DLGAP1: variants seen among roughly 807,000 people sequenced by gnomAD.
DLGAP1 encodes DLG associated protein 1.
DLGAP1 carries 11 observed loss-of-function variants against 90.8 expected under a neutral mutation model. That is an observed-to-expected ratio of 0.12 (90% CI 0.08 to 0.20). The LOEUF (loss-of-function observed/expected upper bound fraction) is 0.20, where lower values mean the gene tolerates loss of function less well. DLGAP1 is among the 10% of genes least tolerant of loss of function. The probability of loss-of-function intolerance (pLI) is 1.00; values close to 1 mark genes in which losing one functional copy is unlikely to be tolerated. For synonymous variants in DLGAP1, 558 were observed against 540.7 expected, an observed-to-expected ratio of 1.03 and a Z score of -0.44; for missense variants, 1,050 against 1,333.8, an observed-to-expected ratio of 0.79 and a Z score of 3.31.
chr18:4,194,922 T>A (rs996871635), intron 1 of DLGAP1, among the ~76,000 whole-genome samples: 1 of 152,218 alleles, frequency 6.6e-6, no homozygotes, highest in African/African-American at 2.4e-5. Context: ...CTATCATTTG[T>A]GTGTGCGTGG....
chr18:3,684,167 G>GT (rs57207823), intron 7 of DLGAP1, among the ~76,000 whole-genome samples: 1 of 116,146 alleles, frequency 8.6e-6, no homozygotes, highest in Non-Finnish European at 1.7e-5. Context: ...ATTGGGTAAG[G>GT]TTTTTTTTTT....
intron 7 of DLGAP1, among the ~76,000 whole-genome samples, chr18:3,614,137 C>T (rs764885519): frequency 6.6e-6 from 1 of 152,008 alleles, no homozygotes; most frequent in Non-Finnish European, 1.5e-5. Flanking sequence ...CCAGACTGGT[C>T]TCGAACTCCT....
chr18:4,108,459 G>A (rs2075909385), intron 2 of DLGAP1, among the ~76,000 whole-genome samples: 1 of 151,492 alleles, frequency 6.6e-6, no homozygotes, highest in Non-Finnish European at 1.5e-5. Flanking sequence ...TCTCTCTTTT[G>A]TTATAGGGGT....
At chr18:3,942,373 G>A (rs947790181) in intron 3 of DLGAP1, among the ~76,000 whole-genome samples, 1 of 152,218 alleles carries the variant, frequency 6.6e-6, no homozygotes, top group African/African-American at 2.4e-5. Context: ...GCAGGCGTCT[G>A]ACTGCACAGT....
At chr18:3,580,135 AGCT>A in intron 8 of DLGAP1, 1 of 1,118,972 alleles carries the variant, frequency 8.9e-7, no homozygotes, top group Admixed American at 1.7e-5. Context: ...CAAAAATAAT[AGCT>A]GCTAATAATG....
intron 7 of DLGAP1, among the ~76,000 whole-genome samples, chr18:3,609,126 G>C (rs929168386): frequency 6.7e-6 from 1 of 150,250 alleles, no homozygotes; most frequent in African/African-American, 2.4e-5. Context: ...GCTGCACCCA[G>C]CCTGATCTGT....
At chr18:3,686,389 T>C (rs1045757979) in intron 7 of DLGAP1, among the ~76,000 whole-genome samples, 10 of 152,130 alleles carry the variant, frequency 6.6e-5, no homozygotes, top group Non-Finnish European at 7.4e-5. Context: ...TTGAGAACTG[T>C]AGCAAAGCAC....
At chr18:3,923,200 A>G (rs556916083) in intron 3 of DLGAP1, among the ~76,000 whole-genome samples, 1 of 150,432 alleles carries the variant, frequency 6.6e-6, no homozygotes, top group African/African-American at 2.4e-5. Context: ...TGTTCATTGA[A>G]TAGTGTTCAT....
intron 7 of DLGAP1, among the ~76,000 whole-genome samples, chr18:3,648,972 C>A (rs1267599012): frequency 6.6e-6 from 1 of 152,172 alleles, no homozygotes; most frequent in Non-Finnish European, 1.5e-5. Flanking sequence ...GTGCTCAAGG[C>A]CGCTTATTCA....
In DLGAP1 at chr18:3,711,956, A is replaced by G. The variant is rs1020707374; in HGVS notation, c.1591+17179T>C. 1.3e-5 allele frequency among the ~76,000 whole-genome samples: 2 copies of G among 152,164 alleles called. No individual in the cohort carries two copies. The highest frequency in any genetic ancestry group is 4.8e-5 in the African/African-American group (2 of 41,440). On this transcript the variant is annotated intron_variant, in intron 7 of 12. Coordinates refer to ENST00000315677, the MANE Select transcript of DLGAP1 (RefSeq NM_004746.4). This position sits in a 1 kb window ranked among gnomAD's most constrained non-coding sequence, Gnocchi z 4.0. ...GCTGTGGGAAGGGAGGCATACAGAA[A>G]TGTATAAGGAGGCATGAGTCCTAAC...
At chr18:4,115,932 T>G (rs1826092819) in intron 2 of DLGAP1, among the ~76,000 whole-genome samples, 1 of 152,238 alleles carries the variant, frequency 6.6e-6, no homozygotes, top group African/African-American at 2.4e-5. Flanking sequence ...GAAAGGGGAA[T>G]GAATATTCAA....
chr18:4,262,642 A>T lies in DLGAP1; in HGVS notation c.-266-111355T>A, dbSNP rs1048193312. Among the ~76,000 whole-genome samples, 19 of 152,212 alleles carry T rather than the reference A, an allele frequency of 1.2e-4. 1 individual carries two copies. The highest frequency in any genetic ancestry group is 4.6e-4 in the African/African-American group (19 of 41,454). On this transcript the variant is annotated intron_variant, in intron 1 of 12. Transcript: ENST00000315677. ...TAGATTTTAAAATCCTCAGGGACACAGCAACATCCAGGTGCTACGTGGGCA... is the reference window on the plus strand; with the variant it reads ...TAGATTTTAAAATCCTCAGGGACACTGCAACATCCAGGTGCTACGTGGGCA...
chr18:4,333,650 C>T (rs1262250746), intron 1 of DLGAP1, among the ~76,000 whole-genome samples: 2 of 147,628 alleles, frequency 1.4e-5, no homozygotes, highest in African/African-American at 2.5e-5. Context: ...AACAGAGTCT[C>T]GCTCTGTCAC....
chr18:4,334,163 G>T (rs770736832), intron 1 of DLGAP1, among the ~76,000 whole-genome samples: 1 of 151,528 alleles, frequency 6.6e-6, no homozygotes, highest in African/African-American at 2.4e-5. Context: ...GCTTGAACCC[G>T]GGAGGCAGAG....
intron 3 of DLGAP1, among the ~76,000 whole-genome samples, chr18:3,965,389 C>T (rs2073301961): frequency 6.6e-6 from 1 of 152,108 alleles, no homozygotes; most frequent in Non-Finnish European, 1.5e-5. Context: ...TTAAGAACAA[C>T]ATAAAGACAA....
At chr18:4,185,159 T>C (rs550852523) in intron 1 of DLGAP1, among the ~76,000 whole-genome samples, 34 of 152,252 alleles carry the variant, frequency 2.2e-4, no homozygotes, top group Non-Finnish European at 4.3e-4. Context: ...ATGCTCCTTT[T>C]TTCTAATATT....
At chr18:4,014,558 T>C (rs2149101777) in intron 2 of DLGAP1, among the ~76,000 whole-genome samples, 1 of 152,276 alleles carries the variant, frequency 6.6e-6, no homozygotes, top group South Asian at 2.1e-4. Flanking sequence ...AACTGTAATG[T>C]CCCCAACACA....
At chr18:4,126,044 A>G (rs1048170005) in intron 2 of DLGAP1, among the ~76,000 whole-genome samples, 11 of 152,180 alleles carry the variant, frequency 7.2e-5, no homozygotes, top group African/African-American at 2.4e-4. Context: ...TGTGGCAGGA[A>G]TCAATCCCAG....
intron 2 of DLGAP1, among the ~76,000 whole-genome samples, chr18:4,017,214 C>T (rs2074537322): frequency 6.6e-6 from 1 of 152,156 alleles, no homozygotes; most frequent in African/African-American, 2.4e-5. Context: ...GCATCCTTCC[C>T]TCACTCCTCC....
Sources: allele counts gnomAD v4.1 joint callset (sites outside exome capture counted in the v4.1 genomes callset), GRCh38; gene constraint gnomAD v4.1.1; non-coding constraint Gnocchi (gnomAD v3.1); transcripts MANE v1.5; gene names NCBI Gene and HGNC (gene_info 2026-07-23, HGNC 2026-07-21).